Variants in HMGA2 observed in about 807,000 individuals in gnomAD.
HMGA2 encodes high mobility group protein HMGI-C.
HMGA2 carries 8 observed loss-of-function variants against 19.1 expected under a neutral mutation model. The ratio of observed to expected loss-of-function variants is 0.42; its 90% confidence interval spans 0.25 to 0.76. The LOEUF is 0.76. Ranked by LOEUF, HMGA2 falls within the 30% of genes least tolerant of loss-of-function variation. The pLI, the probability that HMGA2 is intolerant of heterozygous loss-of-function variation, is 0.28. For synonymous variants in HMGA2, 60 were observed against 48.8 expected (o/e 1.23, Z -0.96); for missense variants, 109 against 136.3 (o/e 0.80, Z 1.00).
At chr12:65,865,633 C>CTTTTTT (rs952845162) in intron 3 of HMGA2, among the ~76,000 whole-genome samples, 1 of 131,768 alleles carries the variant, frequency 7.6e-6, no homozygotes, top group Non-Finnish European at 1.6e-5. Context: ...ATCTATTTTT[C>CTTTTTT]TTTTTTTTTT....
At chr12:65,875,286 A>G (rs1872928091) in intron 3 of HMGA2, among the ~76,000 whole-genome samples, 1 of 152,232 alleles carries the variant, frequency 6.6e-6, no homozygotes, top group African/African-American at 2.4e-5. Context: ...CTGAGTGAGT[A>G]AATGATACTA....
chr12:65,963,195 C>G (rs1181969721), intron 4 of HMGA2, 50 bp from the exon 5 acceptor site: 4 of 1,569,222 alleles, frequency 2.5e-6, no homozygotes, highest in Non-Finnish European at 3.5e-6. Flanking sequence ...AAGAGCAGCC[C>G]ACACAGTATA....
chr12:65,925,757 C>T (rs913109146), intron 3 of HMGA2, among the ~76,000 whole-genome samples: 2 of 146,008 alleles, frequency 1.4e-5, no homozygotes, highest in African/African-American at 2.6e-5. Flanking sequence ...TCTTGCAGAT[C>T]TTTGAGAGAA....
intron 3 of HMGA2, chr12:65,842,335 T>C (rs1251265846): frequency 1.6e-6 from 1 of 610,420 alleles, no homozygotes; most frequent in South Asian, 1.8e-5. Context: ...ACATAGGTAG[T>C]GCTCAGTAAA....
intron 3 of HMGA2, among the ~76,000 whole-genome samples, chr12:65,890,330 C>A (rs992657849): frequency 6.6e-6 from 1 of 152,166 alleles, no homozygotes; most frequent in African/African-American, 2.4e-5. Context: ...TATTCCTCAA[C>A]AATTTATGCT....
intron 3 of HMGA2, among the ~76,000 whole-genome samples, chr12:65,934,252 A>G (rs914705758): frequency 6.6e-6 from 1 of 152,214 alleles, no homozygotes; most frequent in Non-Finnish European, 1.5e-5. Flanking sequence ...CTGTGCAACC[A>G]TTGATAAAAT....
intron 3 of HMGA2, among the ~76,000 whole-genome samples, chr12:65,933,108 T>A (rs1407123315): frequency 6.6e-6 from 1 of 152,134 alleles, no homozygotes; most frequent in Non-Finnish European, 1.5e-5. Flanking sequence ...GGGGATGAAC[T>A]GCATTCTTAC....
At chr12:65,901,435 C>T (rs574266210) in intron 3 of HMGA2, among the ~76,000 whole-genome samples, 1 of 152,224 alleles carries the variant, frequency 6.6e-6, no homozygotes, top group South Asian at 2.1e-4. Context: ...CATGTTGAAA[C>T]TGCACTTATT....
intron 3 of HMGA2, chr12:65,842,179 G>A (rs1178501590): frequency 9.0e-7 from 1 of 1,113,410 alleles, no homozygotes; most frequent in Admixed American, 2.3e-5. Flanking sequence ...TTCAAATTCT[G>A]GTCCGTCACT....
chr12:65,957,362 G>T (rs541639709), intron 4 of HMGA2: 1 of 151,952 alleles, frequency 6.6e-6, no homozygotes. Context: ...CTTCTGGGCC[G>T]GGCACGGTGG....
chr12:65,866,929 G>T, intron 3 of HMGA2: 1 of 456,950 alleles, frequency 2.2e-6, no homozygotes. Context: ...TGTCAAGATA[G>T]GAACATGTGC....
At chr12:65,899,549 C>T (rs1874287928) in intron 3 of HMGA2, among the ~76,000 whole-genome samples, 1 of 152,186 alleles carries the variant, frequency 6.6e-6, no homozygotes, top group African/African-American at 2.4e-5. Context: ...TCAAGTTTAT[C>T]TCTGGATGAG....
chr12:65,910,070 G>C lies in HMGA2; in HGVS notation c.250-41313G>C, dbSNP rs554553805. The stretch of plus-strand genomic sequence containing the variant: ...GAGGTAGAGAGGAAGGAAGGAGAGA[G>C]AGCATACACTAGAGAAGAAAACTAG... On this transcript the variant is annotated intron_variant, in intron 3 of 4. Transcript: ENST00000403681. Among the ~76,000 whole-genome samples, 3 of 152,288 alleles carry C rather than the reference G, an allele frequency of 2.0e-5. No individual in the cohort carries two copies. The East Asian group carries it at 5.8e-4, about 29-fold the overall frequency.
Position 65,825,515 on chromosome 12 carries a change from G to T in HMGA2, c.111+134G>T, listed in dbSNP as rs1870114598. The T allele has an allele frequency of 4.7e-6, 2 of 422,442 alleles. No homozygotes were observed. The highest frequency in any genetic ancestry group is 4.3e-5 in the African/African-American group (2 of 46,526). The allele number at this position is 422,442 out of a possible 1,614,324, so 26.2% of individuals were successfully genotyped here. On this transcript the variant is annotated intron_variant, in intron 1 of 4. Coordinates refer to ENST00000403681, the MANE Select transcript of HMGA2 (RefSeq NM_003483.6). The surrounding 1 kb of genome is among the most constrained non-coding windows in gnomAD (Gnocchi z 4.4). ...CACACTGCCCGCCGGCCGGCCGGGG[G>T]GAGCGGCGCAGACCCCACGAGTGCG...
intron 3 of HMGA2, among the ~76,000 whole-genome samples, chr12:65,900,030 C>T (rs1874306863): frequency 1.3e-5 from 2 of 152,114 alleles, no homozygotes; most frequent in South Asian, 4.2e-4. Context: ...AAAATCTTTA[C>T]GGATAGGGTA....
chr12:65,845,899 A>G (rs930945061), intron 3 of HMGA2, among the ~76,000 whole-genome samples: 4 of 152,136 alleles, frequency 2.6e-5, no homozygotes, highest in African/African-American at 9.7e-5. Context: ...GTTTGTGATG[A>G]TCCAGCCTCT....
intron 3 of HMGA2, 150 bp from the exon 4 acceptor site, chr12:65,951,233 A>G (rs1048966874): frequency 7.0e-6 from 4 of 568,822 alleles, no homozygotes; most frequent in Admixed American, 6.9e-5. Flanking sequence ...CTGGCCAAGT[A>G]TAAACACTTT....
intron 3 of HMGA2, among the ~76,000 whole-genome samples, chr12:65,949,211 A>G (rs1332894630): frequency 6.6e-6 from 1 of 152,090 alleles, no homozygotes; most frequent in Non-Finnish European, 1.5e-5. Flanking sequence ...TTAAAGTCAA[A>G]TGGAAGAACG....
chr12:65,946,506 T>TA (rs1228130308), intron 3 of HMGA2, among the ~76,000 whole-genome samples: 2 of 152,126 alleles, frequency 1.3e-5, no homozygotes, highest in East Asian at 1.9e-4. Flanking sequence ...AATTTTTTTT[T>TA]AAAAATTAAG....
Sources: gnomAD v4.1 joint callset for allele counts (sites outside exome capture counted in the v4.1 genomes callset) on GRCh38, gnomAD v4.1.1 for gene constraint, Gnocchi (gnomAD v3.1) non-coding constraint, MANE v1.5 for transcripts, NCBI Gene and HGNC (gene_info 2026-07-23, HGNC 2026-07-21) for gene names.